HPGDS: variants seen among roughly 807,000 people sequenced by gnomAD.
The protein encoded by HPGDS is hematopoietic prostaglandin D synthase, also known as GST class-sigma.
Under a neutral mutation model 23.1 loss-of-function variants are expected in HPGDS, and 26 were observed. The observed-to-expected ratio is 1.13, with a 90% CI of 0.83 to 1.56. The LOEUF is 1.56. HPGDS is among the 40% of genes most tolerant of loss of function. The probability of loss-of-function intolerance (pLI) is 0.00; values close to 1 mark genes in which losing one functional copy is unlikely to be tolerated. For synonymous variants in HPGDS, 95 were observed against 77.9 expected, an observed-to-expected ratio of 1.22 and a Z score of -1.16; for missense variants, 268 against 236.4, an observed-to-expected ratio of 1.13 and a Z score of -0.88.
In HPGDS at chr4:94,340,311, C is replaced by CTTTCTTTTTCTTTTCTTTTTTTTTTT; in HGVS notation, c.-10+2483_-10+2484insAAAAAAAAAAAGAAAAGAAAAAGAAA. On this transcript the variant is annotated intron_variant, in intron 1 of 5. Transcript: ENST00000295256. ...TTTCTTTCTTTCTTTCTTTCTTTCTCTTTTTTTTTTTTTTTTTTTTTTTTT... is the reference window on the plus strand; with the variant it reads ...TTTCTTTCTTTCTTTCTTTCTTTCTCTTTCTTTTTCTTTTCTTTTTTTTTTTTTTTTTTTTTTTTTTTTTTTTTTTT... 7.2e-4 allele frequency among the ~76,000 whole-genome samples: 17 copies of CTTTCTTTTTCTTTTCTTTTTTTTTTT among 23,686 alleles called. 3 individuals are homozygous for CTTTCTTTTTCTTTTCTTTTTTTTTTT. The highest frequency in any genetic ancestry group is 1.2e-3 in the Admixed American group (2 of 1,634). The allele number at this position is 23,686 out of a possible 152,430, so 15.5% of individuals were successfully genotyped here.
chr4:94,325,284 C>A (rs1579443447), intron 2 of HPGDS, among the ~76,000 whole-genome samples: 2 of 152,190 alleles, frequency 1.3e-5, no homozygotes, highest in Admixed American at 6.5e-5. Flanking sequence ...AACTCAAACA[C>A]CATGCTGGGA....
intron 5 of HPGDS, among the ~76,000 whole-genome samples, chr4:94,300,671 A>T (rs1402092935): frequency 6.6e-6 from 1 of 152,198 alleles, no homozygotes; most frequent in African/African-American, 2.4e-5. Context: ...CCCTTCTCTC[A>T]TGTAGCTTTT....
intron 4 of HPGDS, among the ~76,000 whole-genome samples, chr4:94,304,526 G>A (rs1405618362): frequency 6.6e-6 from 1 of 152,048 alleles, no homozygotes; most frequent in Admixed American, 6.6e-5. Flanking sequence ...CATCTTAAGT[G>A]CATCAATATT....
chr4:94,299,626 A>G lies in HPGDS; in HGVS notation c.454T>C (p.Tyr152His). ...IGNSVTWADF[Y>H]WEICSTTLLV... Reference sequence around the variant, plus strand: ...AGTGTGGTACTGCAAATCTCCCAGTAGAAGTCTGCCCAAGTTACCTAGTTT... The same window carrying G: ...AGTGTGGTACTGCAAATCTCCCAGTGGAAGTCTGCCCAAGTTACCTAGTTT... The change falls in exon 6 of 6, where the codon TAC becomes CAC. Residue 152 changes from tyrosine to histidine, a missense_variant. Physicochemically the swap from Tyr to His is moderately conservative, Grantham distance 83. Coordinates refer to ENST00000295256, the MANE Select transcript of HPGDS (RefSeq NM_014485.3). The G allele has an allele frequency of 6.2e-7, 1 of 1,614,036 alleles. No homozygotes were observed. The highest frequency in any genetic ancestry group is 8.5e-7 in the Non-Finnish European group (1 of 1,179,930).
intron 1 of HPGDS, among the ~76,000 whole-genome samples, chr4:94,340,318 T>TC (rs1553926319): frequency 6.9e-4 from 9 of 12,998 alleles, no homozygotes; most frequent in African/African-American, 1.5e-3. Context: ...TCTCTTTTTT[T>TC]TTTTTTTTTT....
intron 2 of HPGDS, among the ~76,000 whole-genome samples, chr4:94,322,012 T>C (rs1756520231): frequency 6.6e-6 from 1 of 152,216 alleles, no homozygotes; most frequent in African/African-American, 2.4e-5. Context: ...TCTGCATCTA[T>C]TGAGACGATC....
intron 2 of HPGDS, among the ~76,000 whole-genome samples, chr4:94,332,754 T>C (rs1176657190): frequency 2.6e-5 from 4 of 152,248 alleles, no homozygotes; most frequent in African/African-American, 9.6e-5. Context: ...TTTCGAGTTA[T>C]CTGCTACTAC....
intron 2 of HPGDS, among the ~76,000 whole-genome samples, chr4:94,324,645 A>G (rs572060268): frequency 6.6e-6 from 1 of 152,154 alleles, no homozygotes; most frequent in South Asian, 2.1e-4. Context: ...TGTTTATTCT[A>G]ATTAACCATT....
At chr4:94,325,530 G>T (rs566243502) in intron 2 of HPGDS, among the ~76,000 whole-genome samples, 1 of 152,142 alleles carries the variant, frequency 6.6e-6, no homozygotes, top group East Asian at 1.9e-4. Flanking sequence ...CTTGCAGTTC[G>T]ATCTCAAACT....
At position 94,314,788 on chromosome 4, in the gene HPGDS, C is replaced by T. The variant is rs562916125; in HGVS notation, c.226+3085G>A. ...TCCTTGAGCTGTGGTGGGCTCCACC[C>T]CTTTCGAGCTTCCTGGCAGCTTTGT... On this transcript the variant is annotated intron_variant, in intron 3 of 5. Transcript: ENST00000295256. Among the ~76,000 whole-genome samples, 4 of 152,318 alleles carry T rather than the reference C, an allele frequency of 2.6e-5. No homozygotes were observed. In the East Asian group the frequency reaches 5.8e-4, roughly 22 times the overall value.
At chr4:94,340,012 C>T (rs1420445551) in intron 1 of HPGDS, among the ~76,000 whole-genome samples, 1 of 152,222 alleles carries the variant, frequency 6.6e-6, no homozygotes, top group Non-Finnish European at 1.5e-5. Flanking sequence ...AGTGCAGTGG[C>T]GCAATCTGGG....
intron 2 of HPGDS, among the ~76,000 whole-genome samples, chr4:94,326,242 C>T (rs1272611115): frequency 2.0e-5 from 3 of 152,116 alleles, no homozygotes; most frequent in Non-Finnish European, 4.4e-5. Flanking sequence ...ATGTCTGAAT[C>T]TCTTGCTAGA....
At chr4:94,329,119 C>T (rs779625026) in intron 2 of HPGDS, among the ~76,000 whole-genome samples, 20 of 152,042 alleles carry the variant, frequency 1.3e-4, no homozygotes, top group Non-Finnish European at 1.8e-4. Context: ...AATCAAAATG[C>T]GTAATTTTTT....
At chr4:94,311,005 G>C (rs538294397) in intron 3 of HPGDS, among the ~76,000 whole-genome samples, 2 of 152,320 alleles carry the variant, frequency 1.3e-5, no homozygotes, top group African/African-American at 4.8e-5. Context: ...AGACTTTGCT[G>C]AAGTTGCTTA....
intron 2 of HPGDS, among the ~76,000 whole-genome samples, chr4:94,323,410 G>T (rs1181231414): frequency 1.3e-5 from 2 of 152,212 alleles, no homozygotes; most frequent in Middle Eastern, 3.4e-3. Context: ...TCTCTTTGTA[G>T]GTCTCTAAGG....
chr4:94,317,996 C>T (rs1560589463), intron 2 of HPGDS, 31 bp from the exon 3 acceptor site: 2 of 1,273,716 alleles, frequency 1.6e-6, no homozygotes, highest in Admixed American at 1.7e-5. Context: ...TAATTAACTT[C>T]ATAACAAAAC....
At chr4:94,339,264 C>T (rs1309070496) in intron 1 of HPGDS, among the ~76,000 whole-genome samples, 1 of 152,160 alleles carries the variant, frequency 6.6e-6, no homozygotes, top group Non-Finnish European at 1.5e-5. Flanking sequence ...CTTCCACTGT[C>T]GTTGTGTTAA....
At chr4:94,327,388 C>T (rs1022290413) in intron 2 of HPGDS, among the ~76,000 whole-genome samples, 2 of 152,236 alleles carry the variant, frequency 1.3e-5, no homozygotes, top group African/African-American at 4.8e-5. Context: ...GCACCAGTGG[C>T]AGCAGGCAGG....
chr4:94,333,897 C>T (rs910966157), intron 2 of HPGDS, among the ~76,000 whole-genome samples: 1 of 152,098 alleles, frequency 6.6e-6, no homozygotes, highest in African/African-American at 2.4e-5. Context: ...TCGGAAGAAA[C>T]ATTTGGATAT....
Sources: allele counts gnomAD v4.1 joint callset (sites outside exome capture counted in the v4.1 genomes callset), GRCh38; gene constraint gnomAD v4.1.1; transcripts MANE v1.5; gene names NCBI Gene and HGNC (gene_info 2026-07-23, HGNC 2026-07-21).